The following TTLL5 variants were observed in gnomAD, a reference collection of about 807,000 sequenced individuals.
TTLL5 encodes the protein tubulin polyglutamylase TTLL5.
A neutral mutation model predicts 168.4 loss-of-function variants in TTLL5; 132 were observed. The ratio of observed to expected loss-of-function variants is 0.78; its 90% CI spans 0.68 to 0.91. The LOEUF (loss-of-function observed/expected upper bound fraction) is 0.91, where lower values mean the gene tolerates loss of function less well. Ranked by LOEUF, TTLL5 falls within the 40% of genes least tolerant of loss-of-function variation. TTLL5 has a pLI of 0.00. For synonymous variants in TTLL5, 546 were observed against 558.6 expected, an observed-to-expected ratio of 0.98 and a Z score of 0.32; for missense variants, 1,545 against 1,581.5, an observed-to-expected ratio of 0.98 and a Z score of 0.39.
rs1133834 is a variant in TTLL5 at position 75,902,201 on chromosome 14, T to C, written c.3800T>C (p.Phe1267Ser). Reference protein sequence around the residue: ...GLQSSLNPAAFVPITSSTDPA... With the variant: ...GLQSSLNPAASVPITSSTDPA... ...CAGAGCAGCCTTAACCCTGCAGCCT[T>C]TGTGCCCATCACCAGCTCTACAGGT... Residue 1267 changes from phenylalanine (F) to serine (S), a missense_variant, in exon 31 of 32, where the codon TTT becomes TCT. Coordinates refer to ENST00000298832, the MANE Select transcript of TTLL5 (RefSeq NM_015072.5). 0.22 allele frequency: 361,630 copies of C among 1,613,720 alleles called. 50,283 individuals are homozygous for C. Among genetic ancestry groups the C allele is most frequent in the African/African-American group, 0.53 (39,423 of 74,900 alleles).
intron 29 of TTLL5, among the ~76,000 whole-genome samples, chr14:75,874,884 G>C (rs1258891667): frequency 1.3e-5 from 2 of 150,010 alleles, no homozygotes; most frequent in Non-Finnish European, 3.0e-5. Context: ...TAAGATTTTG[G>C]GGGTGCTTTT....
At chr14:75,773,957 A>AGAGAAAGAGAGAAAGAGAGAG in intron 21 of TTLL5, among the ~76,000 whole-genome samples, 1 of 43,382 alleles carries the variant, frequency 2.3e-5, no homozygotes, top group Non-Finnish European at 4.3e-5. Flanking sequence ...GAGAGAGAGA[A>AGAGAAAGAGAGAAAGAGAGAG]AGAGAGAGAG....
chr14:75,828,077 G>A (rs138570824), intron 28 of TTLL5, among the ~76,000 whole-genome samples: 1 of 152,074 alleles, frequency 6.6e-6, no homozygotes, highest in East Asian at 1.9e-4. Context: ...TGAAATATGG[G>A]TGCATCTCAA....
chr14:75,892,255 C>T (rs558556230), intron 30 of TTLL5, among the ~76,000 whole-genome samples: 66 of 152,290 alleles, frequency 4.3e-4, no homozygotes, highest in Non-Finnish European at 2.9e-4. Flanking sequence ...GATGGATGAA[C>T]ATTTAAAGAA....
chr14:75,890,253 A>C (rs1220564004), intron 30 of TTLL5, among the ~76,000 whole-genome samples: 1 of 152,222 alleles, frequency 6.6e-6, no homozygotes, highest in South Asian at 2.1e-4. Context: ...TGAAGTTAGA[A>C]AAGGAACCAT....
chr14:75,915,853 C>T (rs2033596702), intron 31 of TTLL5, among the ~76,000 whole-genome samples: 2 of 152,074 alleles, frequency 1.3e-5, no homozygotes, highest in South Asian at 4.1e-4. Flanking sequence ...ATAAGTCGGA[C>T]ATGGTGGCTC....
intron 6 of TTLL5, among the ~76,000 whole-genome samples, chr14:75,698,432 A>G (rs966679085): frequency 1.3e-4 from 20 of 152,180 alleles, no homozygotes; most frequent in African/African-American, 4.3e-4. Flanking sequence ...TAAGCTCGAA[A>G]TATTTAAGGA....
intron 31 of TTLL5, among the ~76,000 whole-genome samples, chr14:75,949,433 CTA>C (rs560166360): frequency 8.0e-5 from 9 of 112,172 alleles, no homozygotes; most frequent in African/African-American, 1.3e-4. Flanking sequence ...TATATATATT[CTA>C]TATATATATA....
intron 31 of TTLL5, among the ~76,000 whole-genome samples, chr14:75,947,024 G>A (rs1271674969): frequency 6.6e-6 from 1 of 152,186 alleles, no homozygotes; most frequent in Non-Finnish European, 1.5e-5. Flanking sequence ...ATGACAAGGG[G>A]CCAGATCATG....
chr14:75,897,992 T>G (rs2032748185), intron 30 of TTLL5, among the ~76,000 whole-genome samples: 1 of 152,204 alleles, frequency 6.6e-6, no homozygotes, highest in Non-Finnish European at 1.5e-5. Flanking sequence ...AACTTTTGTG[T>G]AGTGTAAAGT....
chr14:75,851,832 A>G (rs1378115557), intron 28 of TTLL5, among the ~76,000 whole-genome samples: 1 of 152,154 alleles, frequency 6.6e-6, no homozygotes, highest in Non-Finnish European at 1.5e-5. Context: ...AGGCATTGTA[A>G]ATACTGCTTT....
chr14:75,942,290 GT>G (rs1481555120), intron 31 of TTLL5, among the ~76,000 whole-genome samples: 1 of 152,142 alleles, frequency 6.6e-6, no homozygotes, highest in Non-Finnish European at 1.5e-5. Flanking sequence ...GCCTTTTGTT[GT>G]TTGTAGAAGC....
chr14:75,942,996 G>A (rs1360831874), intron 31 of TTLL5, among the ~76,000 whole-genome samples: 4 of 151,860 alleles, frequency 2.6e-5, no homozygotes, highest in Non-Finnish European at 5.9e-5. Context: ...GTAGACATTT[G>A]GCCAAAAAAA....
intron 18 of TTLL5, among the ~76,000 whole-genome samples, chr14:75,754,869 G>A (rs1444417866): frequency 6.6e-6 from 1 of 152,142 alleles, no homozygotes; most frequent in Non-Finnish European, 1.5e-5. Flanking sequence ...GTTAGAGGAT[G>A]TAAGTTTTTT....
chr14:75,705,535 G>A (rs1886593944), intron 7 of TTLL5, among the ~76,000 whole-genome samples: 2 of 152,266 alleles, frequency 1.3e-5, no homozygotes, highest in South Asian at 4.1e-4. Flanking sequence ...TTGCTTATTA[G>A]CTCCGTGACT....
At chr14:75,846,489 A>G (rs1896547251) in intron 28 of TTLL5, among the ~76,000 whole-genome samples, 2 of 152,194 alleles carry the variant, frequency 1.3e-5, no homozygotes, top group South Asian at 4.1e-4. Flanking sequence ...GATAAGATGT[A>G]AAGAATTAAA....
At chr14:75,711,951 T>C (rs1887106327) in intron 9 of TTLL5, 1 of 152,338 alleles carries the variant, frequency 6.6e-6, no homozygotes, top group Non-Finnish European at 1.5e-5. Context: ...CAGCAGCAAG[T>C]AGGGGGGAAG....
At chr14:75,745,261 A>G in intron 16 of TTLL5, 53 bp downstream of exon 16, 3 of 1,520,410 alleles carry the variant, frequency 2.0e-6, no homozygotes, top group Non-Finnish European at 2.7e-6. Context: ...GTTTAGTGAA[A>G]ATTAGTGAGT....
At chr14:75,763,578 A>C (rs553277582) in intron 18 of TTLL5, among the ~76,000 whole-genome samples, 6 of 152,298 alleles carry the variant, frequency 3.9e-5, no homozygotes, top group African/African-American at 1.4e-4. Flanking sequence ...AGTTCTAGAG[A>C]GTTCAGAGCC....
Sources: gnomAD v4.1 joint callset for allele counts (sites outside exome capture counted in the v4.1 genomes callset) on GRCh38, gnomAD v4.1.1 for gene constraint, MANE v1.5 for transcripts, NCBI Gene and HGNC (gene_info 2026-07-23, HGNC 2026-07-21) for gene names.